Variants in KCNQ1 observed in about 807,000 individuals in gnomAD.
KCNQ1 encodes potassium voltage-gated channel subfamily KQT member 1.
KCNQ1 carries 49 observed loss-of-function variants against 72.4 expected under a neutral mutation model. The observed-to-expected ratio is 0.68, with a 90% CI of 0.54 to 0.86. KCNQ1 has a LOEUF of 0.86. Ranked by LOEUF, KCNQ1 falls within the 40% of genes least tolerant of loss-of-function variation. The pLI, the probability that KCNQ1 is intolerant of heterozygous loss-of-function variation, is 0.00. For missense variants in KCNQ1, 790 were observed against 945.1 expected (o/e 0.84, Z 2.15); for synonymous variants, 450 against 412.6 (o/e 1.09, Z -1.10).
chr11:2,700,760 C>T lies in KCNQ1; in HGVS notation c.1514+38679C>T, dbSNP rs145188872. On this transcript the variant is annotated intron_variant, in intron 11 of 15. Transcript: ENST00000155840. ...CCGCGCCTGCCAGCGCCCGGCCGGG[C>T]CCGCCCTGCCCACCTCCCATCCCCC... Among the ~76,000 whole-genome samples, 358 of 152,240 alleles carry T rather than the reference C, an allele frequency of 2.4e-3. 1 individual carries two copies. The highest frequency in any genetic ancestry group is 7.3e-3 in the African/African-American group (303 of 41,564).
At position 2,736,542 on chromosome 11, in the gene KCNQ1, G is replaced by A. The variant is rs1313532340; in HGVS notation, c.1515-32302G>A. On this transcript the variant is annotated intron_variant, in intron 11 of 15. Transcript: ENST00000155840. ...CGCTAGGTGCCAATGGCCCTAGGAG[G>A]GGGCTTTGGAGCTGGACCCTTGAGG... is the stretch of plus-strand genomic sequence containing the variant. 2.6e-5 allele frequency among the ~76,000 whole-genome samples: 4 copies of A among 152,164 alleles called. 1 individual carries two copies. Among genetic ancestry groups the A allele is most frequent in the East Asian group, 1.9e-4 (1 of 5,186 alleles).
At chr11:2,513,696 G>A (rs1487855634) in intron 1 of KCNQ1, among the ~76,000 whole-genome samples, 1 of 152,144 alleles carries the variant, frequency 6.6e-6, no homozygotes, top group African/African-American at 2.4e-5. Context: ...CCTCCGCACC[G>A]GCCTCTCTCC....
chr11:2,659,590 A>G lies in KCNQ1; in HGVS notation c.1394-2371A>G. 1 of 398,548 alleles carries G rather than the reference A, an allele frequency of 2.5e-6. No individual in the cohort carries two copies. Among genetic ancestry groups the G allele is most frequent in the Non-Finnish European group, 4.4e-6 (1 of 226,026 alleles). The allele number at this position is 398,548 out of a possible 1,614,324, so 24.7% of individuals were successfully genotyped here. On this transcript the variant is annotated intron_variant, in intron 10 of 15. Coordinates refer to ENST00000155840, the MANE Select transcript of KCNQ1 (RefSeq NM_000218.3). This position sits in a 1 kb window ranked among gnomAD's most constrained non-coding sequence, Gnocchi z 4.3. ...CATTTATGTACAGGTTTTTGCGAAC[A>G]TAAAAATTCAATTCACTTGGGTGGG...
In KCNQ1 at chr11:2,752,682, C is replaced by T. The variant is rs1352238208; in HGVS notation, c.1515-16162C>T. 6.6e-6 allele frequency among the ~76,000 whole-genome samples: 1 copy of T among 152,166 alleles called. No individual in the cohort carries two copies. Among genetic ancestry groups the T allele is most frequent in the Non-Finnish European group, 1.5e-5 (1 of 68,032 alleles). ...GGCACGCATCCTCTTCCTGAAGGCTCTGCCCTCACGGCCGAATCACCTCTC... is the reference window on the plus strand; with the variant it reads ...GGCACGCATCCTCTTCCTGAAGGCTTTGCCCTCACGGCCGAATCACCTCTC... On this transcript the variant is annotated intron_variant, in intron 11 of 15. Coordinates refer to ENST00000155840, the MANE Select transcript of KCNQ1 (RefSeq NM_000218.3). This position sits in a 1 kb window ranked among gnomAD's most constrained non-coding sequence, Gnocchi z 5.2.
chr11:2,847,326 G>A (rs559958378), intron 15 of KCNQ1, among the ~76,000 whole-genome samples: 3 of 152,186 alleles, frequency 2.0e-5, no homozygotes, highest in Non-Finnish European at 2.9e-5. Flanking sequence ...AGCCTTTCTT[G>A]ACCCTTAACC....
intron 10 of KCNQ1, chr11:2,656,622 G>T: frequency 2.5e-6 from 1 of 398,570 alleles, no homozygotes; most frequent in Non-Finnish European, 4.4e-6. Flanking sequence ...TTTCTATTAA[G>T]TCATTTATAT....
rs912137367 is a variant in KCNQ1, at chr11:2,827,389, C to T, written c.1795-20378C>T. Among the ~76,000 whole-genome samples the T allele has an allele frequency of 3.3e-5, 5 of 152,146 alleles. No homozygotes were observed. The highest frequency in any genetic ancestry group is 2.1e-4 in the South Asian group (1 of 4,824). ...AGTGCTTCTGTCCTATGGTCCCCAG[C>T]GGCTGCTCCTGCATTCACCATCACA... On this transcript the variant is annotated intron_variant, in intron 15 of 15. Transcript: ENST00000155840. The surrounding 1 kb of genome is among the most constrained non-coding windows in gnomAD (Gnocchi z 6.7).
In KCNQ1 at chr11:2,745,434, A is replaced by AAAGAAATG. The variant is rs1357690528; in HGVS notation, c.1515-23409_1515-23402dup. On this transcript the variant is annotated intron_variant, in intron 11 of 15. Coordinates refer to ENST00000155840, the MANE Select transcript of KCNQ1 (RefSeq NM_000218.3). This position sits in a 1 kb window ranked among gnomAD's most constrained non-coding sequence, Gnocchi z 6.2. ...TCTCCCAGGAGTTTATTGCTGGTAT[A>AAAGAAATG]AAGAAATGCCATTGATTTGGGGGGG... Among the ~76,000 whole-genome samples, 1 of 152,186 alleles carries AAAGAAATG rather than the reference A, an allele frequency of 6.6e-6. No homozygotes were observed. The highest frequency in any genetic ancestry group is 1.9e-4 in the East Asian group (1 of 5,192).
chr11:2,662,877 G>A (rs1320438098), intron 11 of KCNQ1: 1 of 398,734 alleles, frequency 2.5e-6, no homozygotes, highest in South Asian at 1.3e-4. Context: ...TTTTCTAAAG[G>A]GTGTTTTGTT....
At chr11:2,836,072 G>A (rs1283837014) in intron 15 of KCNQ1, among the ~76,000 whole-genome samples, 1 of 152,118 alleles carries the variant, frequency 6.6e-6, no homozygotes, top group Non-Finnish European at 1.5e-5. Flanking sequence ...GCCCCGTGGC[G>A]TGGCGGGGGT....
chr11:2,643,835 T>C, intron 10 of KCNQ1: 1 of 398,600 alleles, frequency 2.5e-6, no homozygotes, highest in Non-Finnish European at 4.4e-6. Flanking sequence ...TATTTCTCCT[T>C]CATTTCTGAC....
At position 2,544,248 on chromosome 11, in the gene KCNQ1, GTATA is replaced by G. The variant is rs199705885; in HGVS notation, c.477+16238_477+16241del. Among the ~76,000 whole-genome samples the G allele has an allele frequency of 1.4e-5, 2 of 141,884 alleles. No homozygotes were observed. The highest frequency in any genetic ancestry group is 3.0e-5 in the Non-Finnish European group (2 of 66,904). The allele number at this position is 141,884 out of a possible 152,430, so 93.1% of individuals were successfully genotyped here. On this transcript the variant is annotated intron_variant, in intron 2 of 15. Coordinates refer to ENST00000155840, the MANE Select transcript of KCNQ1 (RefSeq NM_000218.3). The surrounding 1 kb of genome is among the most constrained non-coding windows in gnomAD (Gnocchi z 4.4). Reference sequence around the variant, plus strand: ...CTCATATATATATATGTGTGTGTGTGTATATATATATGTGTGTGTGTGTATATAT... The same window carrying G: ...CTCATATATATATATGTGTGTGTGTGTATATATGTGTGTGTGTGTATATAT...
rs929979389 is a variant in KCNQ1 at position 2,824,158 on chromosome 11, T to C, written c.1795-23609T>C. The stretch of plus-strand genomic sequence containing the variant: ...ACACAAACACACCCAGACACATGCA[T>C]GCACATGGATAACTAACTCTTCCAG... On this transcript the variant is annotated intron_variant, in intron 15 of 15. Transcript: ENST00000155840. This position sits in a 1 kb window ranked among gnomAD's most constrained non-coding sequence, Gnocchi z 5.9. Among the ~76,000 whole-genome samples the C allele has an allele frequency of 6.6e-6, 1 of 151,854 alleles. No homozygotes were observed. Among genetic ancestry groups the C allele is most frequent in the African/African-American group, 2.4e-5 (1 of 41,330 alleles).
chr11:2,586,153 G>A (rs1848589136), intron 8 of KCNQ1, among the ~76,000 whole-genome samples: 1 of 152,206 alleles, frequency 6.6e-6, no homozygotes, highest in Non-Finnish European at 1.5e-5. Flanking sequence ...CAGTGGCTGG[G>A]AGCACAGTGT....
chr11:2,834,171 A>G (rs1442415108), intron 15 of KCNQ1, among the ~76,000 whole-genome samples: 3 of 150,140 alleles, frequency 2.0e-5, no homozygotes, highest in African/African-American at 7.3e-5. Flanking sequence ...GTGGTGTGGC[A>G]CATGGTGTGG....
At chr11:2,577,520 G>A (rs763324920) in intron 6 of KCNQ1, among the ~76,000 whole-genome samples, 6 of 152,244 alleles carry the variant, frequency 3.9e-5, no homozygotes, top group South Asian at 2.1e-4. Context: ...CCCGTGTGTG[G>A]GGCTCCGGGC....
At chr11:2,628,954 A>C (rs1388231744) in intron 10 of KCNQ1, 2 of 398,226 alleles carry the variant, frequency 5.0e-6, no homozygotes, top group Admixed American at 8.8e-5. Context: ...TATGCTTTCT[A>C]TTCTGTTCCA....
intron 2 of KCNQ1, among the ~76,000 whole-genome samples, chr11:2,531,204 C>T (rs1043807270): frequency 1.5e-5 from 2 of 136,444 alleles, no homozygotes; most frequent in African/African-American, 3.0e-5. Context: ...GTCTGCAGCT[C>T]GAGAATTAGA....
rs1293405035 is a variant in KCNQ1, at chr11:2,828,581, C to G, written c.1795-19186C>G. 6.6e-6 allele frequency among the ~76,000 whole-genome samples: 1 copy of G among 152,064 alleles called. No homozygotes were observed. The highest frequency in any genetic ancestry group is 2.4e-5 in the African/African-American group (1 of 41,408). Reference sequence around the variant, plus strand: ...GTTCCCAACCCAGGACCCTGACAGGCAGGTCTCACCCCAGCCCATGAAGCC... The same window carrying G: ...GTTCCCAACCCAGGACCCTGACAGGGAGGTCTCACCCCAGCCCATGAAGCC... On this transcript the variant is annotated intron_variant, in intron 15 of 15. Coordinates refer to ENST00000155840, the MANE Select transcript of KCNQ1 (RefSeq NM_000218.3). The surrounding 1 kb of genome is among the most constrained non-coding windows in gnomAD (Gnocchi z 5.3).
Sources: allele counts gnomAD v4.1 joint callset (sites outside exome capture counted in the v4.1 genomes callset), GRCh38; gene constraint gnomAD v4.1.1; non-coding constraint Gnocchi (gnomAD v3.1); transcripts MANE v1.5; gene names NCBI Gene and HGNC (gene_info 2026-07-23, HGNC 2026-07-21).